ARHGAP44: variants seen among roughly 807,000 people sequenced by gnomAD.
ARHGAP44 encodes Rho GTPase activating protein 44.
In ARHGAP44, 43 loss-of-function variants were observed where a neutral mutation model predicts 106.8. That is an observed-to-expected ratio of 0.40 (90% CI 0.32 to 0.52). The LOEUF (loss-of-function observed/expected upper bound fraction) is 0.52. ARHGAP44 is among the 20% of genes least tolerant of loss of function. The probability of loss-of-function intolerance (pLI) is 0.48; values close to 1 mark genes in which losing one functional copy is unlikely to be tolerated. For synonymous variants in ARHGAP44, 439 were observed against 410.3 expected (o/e 1.07, Z -0.85); for missense variants, 866 against 1,050.5 (o/e 0.82, Z 2.43).
At chr17:12,941,512 C>T (rs2038708312) in intron 8 of ARHGAP44, among the ~76,000 whole-genome samples, 1 of 152,126 alleles carries the variant, frequency 6.6e-6, no homozygotes, top group Non-Finnish European at 1.5e-5. Context: ...ACAGCCCCCA[C>T]ACCAATGAAT....
intron 17 of ARHGAP44, 114 bp from the exon 18 acceptor site, chr17:12,973,975 G>A (rs1400368864): frequency 1.7e-6 from 2 of 1,152,834 alleles, no homozygotes; most frequent in Non-Finnish European, 2.5e-6. Flanking sequence ...CCCCCGGGGT[G>A]CTAAAGCTGC....
chr17:12,959,196 A>C (rs2039200736), intron 16 of ARHGAP44, among the ~76,000 whole-genome samples: 1 of 152,130 alleles, frequency 6.6e-6, no homozygotes, highest in Non-Finnish European at 1.5e-5. Flanking sequence ...ATACATACGC[A>C]CTTTATTTGG....
chr17:12,888,507 GCTGT>G (rs1484299327), intron 1 of ARHGAP44, among the ~76,000 whole-genome samples: 3 of 152,082 alleles, frequency 2.0e-5, no homozygotes, highest in Non-Finnish European at 4.4e-5. Flanking sequence ...AGTTCCAGAT[GCTGT>G]CTATCTTGGT....
At position 12,792,310 on chromosome 17, in the gene ARHGAP44, T is replaced by C. The variant is rs1466026823; in HGVS notation, c.53+2419T>C. On this transcript the variant is annotated intron_variant, in intron 1 of 20. Transcript: ENST00000379672. ...TTTTTTCATTTCTGGACAGCACTCA[T>C]CACTGATTGAAACGCTTTTATTTTT... is the stretch of plus-strand genomic sequence containing the variant. 7.9e-5 allele frequency among the ~76,000 whole-genome samples: 12 copies of C among 152,226 alleles called. No homozygotes were observed. The East Asian group carries it at 2.1e-3, about 27-fold the overall frequency.
chr17:12,894,843 G>C (rs2093060503), intron 1 of ARHGAP44, 97 bp from the exon 2 acceptor site: 1 of 1,122,078 alleles, frequency 8.9e-7, no homozygotes, highest in Admixed American at 2.3e-5. Context: ...TCATGTCTCT[G>C]TTTTTCTGGT....
At chr17:12,862,284 G>C (rs1360710775) in intron 1 of ARHGAP44, among the ~76,000 whole-genome samples, 2 of 152,060 alleles carry the variant, frequency 1.3e-5, no homozygotes, top group Non-Finnish European at 2.9e-5. Context: ...GAGACACGGG[G>C]AGCAAGACCA....
rs921468175 is a variant in ARHGAP44, at chr17:12,949,444, G to T, written c.973+193G>T. 1.3e-5 allele frequency among the ~76,000 whole-genome samples: 2 copies of T among 152,194 alleles called. No individual in the cohort carries two copies. The highest frequency in any genetic ancestry group is 4.8e-5 in the African/African-American group (2 of 41,448). On this transcript the variant is annotated intron_variant, in intron 11 of 20. Coordinates refer to ENST00000379672, the MANE Select transcript of ARHGAP44 (RefSeq NM_014859.6). This position sits in a 1 kb window ranked among gnomAD's most constrained non-coding sequence, Gnocchi z 4.1. The stretch of plus-strand genomic sequence containing the variant: ...AGGAAGGCCTCCCCGCATGCCAAGG[G>T]AAGACGAGGTAATTGTGGGAAGAAA...
chr17:12,920,911 G>T (rs1215760103), intron 6 of ARHGAP44, among the ~76,000 whole-genome samples: 1 of 152,176 alleles, frequency 6.6e-6, no homozygotes, highest in Non-Finnish European at 1.5e-5. Flanking sequence ...GGCTGTCAGA[G>T]CAGGAATTGT....
In ARHGAP44 at chr17:12,891,794, T is replaced by TG. The variant is rs1317605488; in HGVS notation, c.54-3142dup. Among the ~76,000 whole-genome samples the TG allele has an allele frequency of 1.0e-4, 11 of 105,022 alleles. No individual in the cohort carries two copies. In the East Asian group the frequency reaches 3.0e-3, roughly 29 times the overall value. The allele number at this position is 105,022 out of a possible 152,430, so 68.9% of individuals were successfully genotyped here. Reference sequence around the variant, plus strand: ...TCAAGTTTCCTTCTTTTATCATTTTTGGGGTTTTTTTTTTTTTTAGATGGA... The same window carrying TG: ...TCAAGTTTCCTTCTTTTATCATTTTTGGGGGTTTTTTTTTTTTTTAGATGGA... On this transcript the variant is annotated intron_variant, in intron 1 of 20. Coordinates refer to ENST00000379672, the MANE Select transcript of ARHGAP44 (RefSeq NM_014859.6).
chr17:12,857,800 A>G (rs928067273), intron 1 of ARHGAP44, among the ~76,000 whole-genome samples: 2 of 150,532 alleles, frequency 1.3e-5, no homozygotes, highest in African/African-American at 4.9e-5. Context: ...TTATTTATTT[A>G]TTTATTTATT....
intron 8 of ARHGAP44, among the ~76,000 whole-genome samples, chr17:12,941,417 G>T (rs1405220192): frequency 6.6e-6 from 1 of 152,100 alleles, no homozygotes; most frequent in Non-Finnish European, 1.5e-5. Context: ...AGACATTTTT[G>T]ATTGTCACAG....
chr17:12,987,492 T>TC (rs1361802759), intron 20 of ARHGAP44: 4 of 208,500 alleles, frequency 1.9e-5, no homozygotes, highest in East Asian at 2.1e-4. Context: ...GATCTGTTCT[T>TC]CGTGTGAGAC....
chr17:12,854,279 G>C (rs1157720241), intron 1 of ARHGAP44, among the ~76,000 whole-genome samples: 1 of 152,180 alleles, frequency 6.6e-6, no homozygotes, highest in African/African-American at 2.4e-5. Context: ...ATGGCATAAG[G>C]TTGGCTTGTA....
chr17:12,838,133 G>T (rs1006710195), intron 1 of ARHGAP44, among the ~76,000 whole-genome samples: 8 of 152,092 alleles, frequency 5.3e-5, no homozygotes, highest in African/African-American at 1.9e-4. Context: ...AAAACAATTT[G>T]GTCATTTTAT....
At chr17:12,841,898 A>G (rs1158101519) in intron 1 of ARHGAP44, among the ~76,000 whole-genome samples, 1 of 152,188 alleles carries the variant, frequency 6.6e-6, no homozygotes, top group Non-Finnish European at 1.5e-5. Flanking sequence ...AGGCACATAT[A>G]GTTATGCAAA....
In ARHGAP44 at chr17:12,932,175, G is replaced by A. The variant is rs28622362; in HGVS notation, c.582+3129G>A. On this transcript the variant is annotated intron_variant, in intron 7 of 20. Coordinates refer to ENST00000379672, the MANE Select transcript of ARHGAP44 (RefSeq NM_014859.6). ...AAAATTGCACATTTTTCTTCATCTC[G>A]TAATGCATGTTGCTCCTATTTTCAA... is the stretch of plus-strand genomic sequence containing the variant. Among the ~76,000 whole-genome samples the A allele has an allele frequency of 2.6e-3, 398 of 152,138 alleles. 1 individual carries two copies. Among genetic ancestry groups the A allele is most frequent in the Middle Eastern group, 6.8e-3 (2 of 294 alleles).
At chr17:12,982,239 C>G (rs2039851338) in intron 19 of ARHGAP44, among the ~76,000 whole-genome samples, 1 of 152,144 alleles carries the variant, frequency 6.6e-6, no homozygotes, top group African/African-American at 2.4e-5. Context: ...ATAGCTCAGA[C>G]CCATCTTTTG....
intron 1 of ARHGAP44, among the ~76,000 whole-genome samples, chr17:12,880,634 C>T (rs1342118645): frequency 1.3e-5 from 2 of 150,900 alleles, no homozygotes; most frequent in East Asian, 3.9e-4. Context: ...TCTTTATTCT[C>T]CTCTCGATGG....
intron 18 of ARHGAP44, 44 bp from the exon 19 acceptor site, chr17:12,980,014 C>T (rs535034427): frequency 5.2e-6 from 8 of 1,543,330 alleles, no homozygotes; most frequent in Admixed American, 2.0e-5. Flanking sequence ...CTGCCGCTCA[C>T]TGAGTTCAGG....
Sources: allele counts gnomAD v4.1 joint callset (sites outside exome capture counted in the v4.1 genomes callset), GRCh38; gene constraint gnomAD v4.1.1; non-coding constraint Gnocchi (gnomAD v3.1); transcripts MANE v1.5; gene names NCBI Gene and HGNC (gene_info 2026-07-23, HGNC 2026-07-21).